The following CACNG2 variants were observed in gnomAD, a reference collection of about 807,000 sequenced individuals.
CACNG2 encodes the protein voltage-dependent calcium channel gamma-2 subunit.
A neutral mutation model predicts 25.9 loss-of-function variants in CACNG2; 3 were observed. The ratio of observed to expected loss-of-function variants is 0.12; its 90% confidence interval spans 0.05 to 0.30. The LOEUF (loss-of-function observed/expected upper bound fraction) is 0.30, where lower values mean the gene tolerates loss of function less well. Ranked by LOEUF, CACNG2 falls within the 10% of genes least tolerant of loss-of-function variation. The pLI is 1.00. For synonymous variants in CACNG2, 167 were observed against 173.3 expected, an observed-to-expected ratio of 0.96 and a Z score of 0.29; for missense variants, 341 against 432.5, an observed-to-expected ratio of 0.79 and a Z score of 1.88.
At chr22:36,615,374 C>T (rs1057470022) in intron 1 of CACNG2, among the ~76,000 whole-genome samples, 6 of 152,170 alleles carry the variant, frequency 3.9e-5, no homozygotes, top group African/African-American at 7.2e-5. Context: ...ATGACTGCTA[C>T]GCTCAACTGC....
chr22:36,597,882 T>G (rs1935700771), intron 1 of CACNG2, among the ~76,000 whole-genome samples: 1 of 152,166 alleles, frequency 6.6e-6, no homozygotes, highest in Non-Finnish European at 1.5e-5. Flanking sequence ...TCAAGCACCT[T>G]TTAGCTGCTT....
Position 36,597,547 on chromosome 22 carries a change from G to A in CACNG2, c.212-9999C>T, listed in dbSNP as rs532242548. 5.6e-4 allele frequency among the ~76,000 whole-genome samples: 85 copies of A among 152,264 alleles called. 1 individual carries two copies. Among genetic ancestry groups the A allele is most frequent in the African/African-American group, 1.8e-3 (73 of 41,536 alleles). ...ACTCGATGAAATAACAGAAGTGAAG[G>A]GCCCCAGTGCAGTTCTTAACCCAGA... On this transcript the variant is annotated intron_variant, in intron 1 of 3. Transcript: ENST00000300105.
chr22:36,616,934 A>C (rs1936030319), intron 1 of CACNG2, among the ~76,000 whole-genome samples: 2 of 152,212 alleles, frequency 1.3e-5, no homozygotes, highest in South Asian at 4.1e-4. Context: ...TGAATCAGAG[A>C]CCATCCCTTC....
chr22:36,678,721 A>C (rs954844532), intron 1 of CACNG2, among the ~76,000 whole-genome samples: 3 of 149,002 alleles, frequency 2.0e-5, no homozygotes, highest in Non-Finnish European at 4.4e-5. Context: ...CACGATGGCC[A>C]GGAGCCACCA....
intron 1 of CACNG2, among the ~76,000 whole-genome samples, chr22:36,689,688 TCCTGCAGCAGGTCTC>T (rs148084023): frequency 2.4e-3 from 366 of 152,348 alleles, no homozygotes; most frequent in African/African-American, 8.6e-3. Context: ...AATCTCTCGG[TCCTGCAGCAGGTCTC>T]CCTCCCATCT....
intron 1 of CACNG2, among the ~76,000 whole-genome samples, chr22:36,631,610 C>A (rs187585617): frequency 3.1e-4 from 47 of 152,296 alleles, no homozygotes; most frequent in Non-Finnish European, 5.0e-4. Flanking sequence ...CTAAAAGCAT[C>A]CAGAGTGACT....
intron 1 of CACNG2, among the ~76,000 whole-genome samples, chr22:36,641,143 C>G (rs1936437184): frequency 6.6e-6 from 1 of 152,190 alleles, no homozygotes; most frequent in Non-Finnish European, 1.5e-5. Context: ...CTTTCTGTCA[C>G]TCTCTGTCCC....
intron 1 of CACNG2, among the ~76,000 whole-genome samples, chr22:36,674,446 A>G (rs1936996127): frequency 6.6e-6 from 1 of 152,072 alleles, no homozygotes; most frequent in African/African-American, 2.4e-5. Flanking sequence ...CTCCTGCCTC[A>G]GCCTCCTGGG....
At position 36,703,155 on chromosome 22, in the gene CACNG2, G is replaced by T; in HGVS notation, c.-579C>A. On this transcript the variant is annotated 5_prime_UTR_variant, in exon 1 of 4. In the 5' UTR this introduces an upstream ATG that the reference lacks. Transcript: ENST00000300105. Reference sequence around the variant, plus strand: ...GGGGGGTCTCGGCGCTTTCGTTTCAGACCAGACTTCCCAGTATTCTGTAAG... The same window carrying T: ...GGGGGGTCTCGGCGCTTTCGTTTCATACCAGACTTCCCAGTATTCTGTAAG... 1 of 155,894 alleles carries T rather than the reference G, an allele frequency of 6.4e-6. No homozygotes were observed. Among genetic ancestry groups the T allele is most frequent in the South Asian group, 1.7e-4 (1 of 5,764 alleles). The allele number at this position is 155,894 out of a possible 1,614,324, so 9.7% of individuals were successfully genotyped here.
chr22:36,580,141 A>C (rs1438626670), intron 2 of CACNG2, among the ~76,000 whole-genome samples: 3 of 152,168 alleles, frequency 2.0e-5, no homozygotes, highest in Non-Finnish European at 2.9e-5. Context: ...AATGAGCATC[A>C]TCCCCATTGC....
rs548721290 is a variant in CACNG2 at position 36,663,530 on chromosome 22, T to C, written c.211+38836A>G. ...AGCAAAACCCTGCAATATTAATAAA[T>C]GACAGAGAGAGAAGGATAGAAAAAC... On this transcript the variant is annotated intron_variant, in intron 1 of 3. Transcript: ENST00000300105. Among the ~76,000 whole-genome samples, 9 of 151,866 alleles carry C rather than the reference T, an allele frequency of 5.9e-5. No homozygotes were observed. In the South Asian group the frequency reaches 1.0e-3, roughly 18 times the overall value.
intron 1 of CACNG2, among the ~76,000 whole-genome samples, chr22:36,618,823 G>A (rs1936063747): frequency 6.6e-6 from 1 of 152,216 alleles, no homozygotes; most frequent in Non-Finnish European, 1.5e-5. Flanking sequence ...GGTAGGCTGA[G>A]GCAGGAGAAC....
At chr22:36,635,507 A>G (rs984831193) in intron 1 of CACNG2, among the ~76,000 whole-genome samples, 11 of 151,830 alleles carry the variant, frequency 7.2e-5, no homozygotes, top group Non-Finnish European at 1.6e-4. Flanking sequence ...GAAACAACCC[A>G]AACATCTAAT....
At chr22:36,630,433 G>A (rs1936250690) in intron 1 of CACNG2, among the ~76,000 whole-genome samples, 1 of 152,174 alleles carries the variant, frequency 6.6e-6, no homozygotes, top group African/African-American at 2.4e-5. Flanking sequence ...GATGGATGGT[G>A]ACCATTTATC....
At chr22:36,576,712 C>A (rs1935321731) in intron 2 of CACNG2, among the ~76,000 whole-genome samples, 1 of 152,014 alleles carries the variant, frequency 6.6e-6, no homozygotes, top group African/African-American at 2.4e-5. Flanking sequence ...AGCATGGGTT[C>A]CAGATGCAGC....
intron 1 of CACNG2, among the ~76,000 whole-genome samples, chr22:36,635,066 G>A (rs1414421529): frequency 6.6e-6 from 1 of 152,090 alleles, no homozygotes; most frequent in African/African-American, 2.4e-5. Context: ...GGTGGATCAC[G>A]AGGTCAGGAG....
intron 1 of CACNG2, among the ~76,000 whole-genome samples, chr22:36,632,691 T>A (rs970992071): frequency 3.3e-5 from 5 of 152,104 alleles, no homozygotes; most frequent in Admixed American, 6.6e-5. Flanking sequence ...CTTTCTCACT[T>A]GCCTTCGGGC....
At chr22:36,659,311 T>A (rs749380172) in intron 1 of CACNG2, among the ~76,000 whole-genome samples, 9 of 151,316 alleles carry the variant, frequency 5.9e-5, no homozygotes, top group Non-Finnish European at 1.0e-4. Context: ...CCACGTGGAG[T>A]CAGGGAGTGG....
At chr22:36,674,398 G>A (rs529186469) in intron 1 of CACNG2, among the ~76,000 whole-genome samples, 20 of 152,046 alleles carry the variant, frequency 1.3e-4, no homozygotes, top group Non-Finnish European at 2.2e-4. Flanking sequence ...GCACTATCTC[G>A]GCTCACTGCA....
Sources: allele counts gnomAD v4.1 joint callset (sites outside exome capture counted in the v4.1 genomes callset), GRCh38; gene constraint gnomAD v4.1.1; transcripts MANE v1.5; gene names NCBI Gene and HGNC (gene_info 2026-07-23, HGNC 2026-07-21).